NAALADL2: variants seen among roughly 807,000 people sequenced by gnomAD.
NAALADL2 encodes the protein N-acetylated alpha-linked acidic dipeptidase like 2, also known as inactive N-acetylated-alpha-linked acidic dipeptidase-like protein 2.
A neutral mutation model predicts 87.2 loss-of-function variants in NAALADL2; 76 were observed. That is an observed-to-expected ratio of 0.87 (90% confidence interval 0.72 to 1.05). The LOEUF (loss-of-function observed/expected upper bound fraction) is 1.05, where lower values mean the gene tolerates loss of function less well. NAALADL2 is among the 50% of genes least tolerant of loss of function. The pLI is 0.00. For missense variants in NAALADL2, 1,089 were observed against 945.8 expected, an observed-to-expected ratio of 1.15 and a Z score of -1.99; for synonymous variants, 354 against 331.0, an observed-to-expected ratio of 1.07 and a Z score of -0.75.
chr3:175,635,413 AC>A (rs1239056831), intron 11 of NAALADL2, among the ~76,000 whole-genome samples: 2 of 152,122 alleles, frequency 1.3e-5, no homozygotes, highest in East Asian at 3.8e-4. Context: ...CTTTTATCAT[AC>A]TTTTAAAAAT....
chr3:175,267,948 A>G (rs1476001619), intron 4 of NAALADL2, among the ~76,000 whole-genome samples: 2 of 152,234 alleles, frequency 1.3e-5, no homozygotes, highest in African/African-American at 4.8e-5. Flanking sequence ...CCTAGCCTTT[A>G]GTAAATGCTC....
At chr3:175,471,501 G>GA (rs34306735) in intron 8 of NAALADL2, 138 bp from the exon 9 acceptor site, 4,724 of 516,408 alleles carry the variant, frequency 9.1e-3, no homozygotes, top group South Asian at 0.013. Context: ...AAGAAAGAAA[G>GA]AAAAAAAAAA....
intron 2 of NAALADL2, among the ~76,000 whole-genome samples, chr3:174,650,475 C>A (rs1048345245): frequency 6.6e-6 from 1 of 152,030 alleles, no homozygotes; most frequent in African/African-American, 2.4e-5. Flanking sequence ...GACCATTGGC[C>A]CCTTTTCCTC....
At chr3:174,747,621 CAAAAAAA>C (rs150843588) in intron 3 of NAALADL2, among the ~76,000 whole-genome samples, 5 of 38,646 alleles carry the variant, frequency 1.3e-4, no homozygotes, top group Admixed American at 3.8e-4. Flanking sequence ...GACCCCATCT[CAAAAAAA>C]AAAAAAAAAA....
chr3:175,765,060 T>C (rs1748514645), intron 13 of NAALADL2, among the ~76,000 whole-genome samples: 1 of 152,090 alleles, frequency 6.6e-6, no homozygotes, highest in Admixed American at 6.5e-5. Flanking sequence ...CTGATTTCTT[T>C]AGACTATGAA....
At chr3:175,143,945 T>C (rs999965281) in intron 2 of NAALADL2, among the ~76,000 whole-genome samples, 6 of 151,600 alleles carry the variant, frequency 4.0e-5, no homozygotes, top group African/African-American at 2.4e-5. Context: ...AGAAACAATA[T>C]TGATGTTTTT....
chr3:174,712,643 C>T (rs1457626498), intron 2 of NAALADL2, among the ~76,000 whole-genome samples: 1 of 151,952 alleles, frequency 6.6e-6, no homozygotes, highest in Non-Finnish European at 1.5e-5. Context: ...GCCTCAGCCT[C>T]CTAAAGTGCT....
At chr3:175,221,973 G>A (rs901931224) in intron 2 of NAALADL2, among the ~76,000 whole-genome samples, 4 of 151,810 alleles carry the variant, frequency 2.6e-5, no homozygotes, top group Non-Finnish European at 5.9e-5. Flanking sequence ...GTAGAGTTGG[G>A]GTTTCACCAT....
chr3:175,132,702 A>G, intron 2 of NAALADL2, among the ~76,000 whole-genome samples: 1 of 134,838 alleles, frequency 7.4e-6, no homozygotes, highest in South Asian at 2.5e-4. Context: ...CTGGCTGGGC[A>G]GAGGGGCTCC....
intron 2 of NAALADL2, among the ~76,000 whole-genome samples, chr3:174,646,585 G>A (rs565417049): frequency 7.0e-6 from 1 of 143,392 alleles, no homozygotes; most frequent in East Asian, 1.9e-4. Flanking sequence ...TTAAAATTAA[G>A]AATTCTTTTA....
intron 6 of NAALADL2, 50 bp downstream of exon 6, chr3:175,447,422 A>G (rs1655509682): frequency 3.1e-6 from 4 of 1,301,054 alleles, no homozygotes; most frequent in South Asian, 3.1e-5. Flanking sequence ...TTTAAAGACC[A>G]TGATCATTTT....
intron 2 of NAALADL2, among the ~76,000 whole-genome samples, chr3:174,632,933 CAAAAAAAAAA>C (rs56809226): frequency 1.9e-4 from 12 of 63,778 alleles, no homozygotes; most frequent in African/African-American, 6.0e-4. Context: ...GACTCTGTCT[CAAAAAAAAAA>C]AAAAAAAAAA....
chr3:175,286,714 A>G (rs1755019977), intron 4 of NAALADL2, among the ~76,000 whole-genome samples: 1 of 151,990 alleles, frequency 6.6e-6, no homozygotes, highest in Non-Finnish European at 1.5e-5. Context: ...CAGTCTTCTT[A>G]TTTCTCCAAA....
chr3:174,660,465 G>A (rs1725399329), intron 2 of NAALADL2, among the ~76,000 whole-genome samples: 1 of 152,072 alleles, frequency 6.6e-6, no homozygotes, highest in Non-Finnish European at 1.5e-5. Flanking sequence ...AAGCTATAAA[G>A]TGATTTGTTC....
rs747283920 is a variant in NAALADL2, at chr3:175,627,330, G to A, written c.1840G>A (p.Ala614Thr). The A allele has an allele frequency of 1.9e-6, 3 of 1,572,684 alleles. No individual in the cohort carries two copies. Among genetic ancestry groups the A allele is most frequent in the Admixed American group, 1.8e-5 (1 of 54,862 alleles). ...CTCCGAGGCCCGTTTTTCTACACGA[G>A]CAACAAAAATTGAAGAAATGGATCC... ...FLSEARFSTR[A>T]TKIEEMDPSF... is the part of the protein sequence containing the mutation. Residue 614 changes from alanine to threonine, a missense_variant, in exon 11 of 14, where the codon GCA (alanine) becomes ACA (threonine). Transcript: ENST00000454872.
At chr3:175,251,186 T>C (rs1472214124) in intron 3 of NAALADL2, among the ~76,000 whole-genome samples, 3 of 152,352 alleles carry the variant, frequency 2.0e-5, no homozygotes, top group Admixed American at 6.5e-5. Context: ...TCTGCGTATG[T>C]GGCCCACCAC....
chr3:175,227,637 C>T (rs1318064115), intron 2 of NAALADL2, among the ~76,000 whole-genome samples: 2 of 151,886 alleles, frequency 1.3e-5, no homozygotes, highest in African/African-American at 4.8e-5. Context: ...AATCCTGAAA[C>T]ATTTATTGTG....
intron 9 of NAALADL2, among the ~76,000 whole-genome samples, chr3:175,555,848 T>TG (rs1365874107): frequency 6.6e-6 from 1 of 152,194 alleles, no homozygotes; most frequent in African/African-American, 2.4e-5. Context: ...TGGCTTATGG[T>TG]TTCTAGGCAC....
chr3:175,630,231 A>T (rs1335174030), intron 11 of NAALADL2, among the ~76,000 whole-genome samples: 4 of 151,874 alleles, frequency 2.6e-5, no homozygotes, highest in Non-Finnish European at 5.9e-5. Context: ...AATTTTATCA[A>T]CAGAGAAATG....
Sources: allele counts gnomAD v4.1 joint callset (sites outside exome capture counted in the v4.1 genomes callset), GRCh38; gene constraint gnomAD v4.1.1; transcripts MANE v1.5; gene names NCBI Gene and HGNC (gene_info 2026-07-23, HGNC 2026-07-21).